OFD1: variants seen among roughly 807,000 people sequenced by gnomAD.
OFD1 encodes the protein OFD1 centriole and centriolar satellite protein.
A neutral mutation model predicts 81.4 loss-of-function variants in OFD1; 12 were observed. The observed-to-expected ratio is 0.15, with a 90% CI of 0.09 to 0.24. OFD1 has a LOEUF of 0.24. Among genes scored for constraint, OFD1 ranks in the 10% least tolerant of loss-of-function variants. The pLI is 1.00. For missense variants in OFD1, 685 were observed against 733.9 expected, an observed-to-expected ratio of 0.93 and a Z score of 0.77; for synonymous variants, 256 against 263.7, an observed-to-expected ratio of 0.97 and a Z score of 0.28.
chrX:13,734,817 CT>C lies in OFD1; in HGVS notation c.-252del. 9.3e-7 allele frequency: 1 copy of C among 1,078,693 alleles called. No individual in the cohort carries two copies. Among genetic ancestry groups the C allele is most frequent in the Non-Finnish European group, 1.2e-6 (1 of 837,206 alleles). 88.9% of individuals were successfully genotyped at this position (1,078,693 alleles called of 1,213,427 possible). ...GTCTGGGTCCCCGCCCTCCAGCCGC[CT>C]TTGAGTCGTGCCTGGGTCCTCGCCC... is the stretch of plus-strand genomic sequence containing the variant. On this transcript the variant is annotated 5_prime_UTR_variant, in exon 1 of 23. Coordinates refer to ENST00000340096, the MANE Select transcript of OFD1 (RefSeq NM_003611.3).
intron 19 of OFD1, 131 bp downstream of exon 19, chrX:13,763,986 GGTTATAGGT>G: frequency 1.9e-6 from 1 of 530,536 alleles, no homozygotes; most frequent in South Asian, 2.5e-5. Flanking sequence ...TTGGGTTGGG[GGTTATAGGT>G]GTCATTATAT....
intron 8 of OFD1, 122 bp from the exon 9 acceptor site, chrX:13,749,305 G>C (rs1197024829): frequency 1.2e-5 from 6 of 487,810 alleles, no homozygotes; most frequent in African/African-American, 9.7e-5. Flanking sequence ...ATCTCTTGAA[G>C]GTGAAATTGT....
chrX:13,722,795 G>C, the OFD1 span, among the ~76,000 whole-genome samples: 1 of 111,776 alleles, frequency 8.9e-6, no homozygotes, highest in African/African-American at 3.3e-5. Flanking sequence ...CAGGCGCGGT[G>C]GCTCACGCCT....
At position 13,752,923 on chromosome X, in the gene OFD1, C is replaced by G; in HGVS notation, c.1056-445C>G. 8 of 919,529 alleles carry G rather than the reference C, an allele frequency of 8.7e-6. No homozygotes were observed. In the South Asian group the frequency reaches 1.7e-4, roughly 19 times the overall value. 75.8% of individuals were successfully genotyped at this position (919,529 alleles called of 1,213,427 possible). On this transcript the variant is annotated intron_variant, in intron 10 of 22. Transcript: ENST00000340096. ...TGCTCTTGGCAGTTGGCTCTCAGGACTGTGCTTAGTCCCTGAGCACAAAAG... is the reference window on the plus strand; with the variant it reads ...TGCTCTTGGCAGTTGGCTCTCAGGAGTGTGCTTAGTCCCTGAGCACAAAAG...
chrX:13,749,282 A>G, intron 8 of OFD1, 145 bp from the exon 9 acceptor site: 1 of 468,179 alleles, frequency 2.1e-6, no homozygotes, highest in East Asian at 3.8e-5. Context: ...CAAAAAGTAT[A>G]CCTTGAGTCG....
chrX:13,729,794 G>T (rs2046634768), upstream of OFD1, among the ~76,000 whole-genome samples: 1 of 111,500 alleles, frequency 9.0e-6, no homozygotes, highest in Admixed American at 9.5e-5. Flanking sequence ...TGTAATCCCT[G>T]CTACTCGGGA....
chrX:13,714,599 A>G, the OFD1 span: 1 of 499,264 alleles, frequency 2.0e-6, no homozygotes, highest in Non-Finnish European at 3.2e-6. Flanking sequence ...TAAAAACCAA[A>G]GACATTCCAA....
upstream of OFD1, chrX:13,734,143 C>G (rs965769986): frequency 3.9e-6 from 2 of 509,491 alleles, no homozygotes; most frequent in Non-Finnish European, 7.0e-6. Context: ...CTGGCAATAT[C>G]TGGAGACATC....
chrX:13,716,824 A>G, the OFD1 span: 169 of 556,369 alleles, frequency 3.0e-4, 1 homozygote, highest in South Asian at 5.4e-3. Context: ...TGAGACTTAT[A>G]AAAGATCTGT....
At chrX:13,748,994 C>T (rs1047957538) in intron 8 of OFD1, among the ~76,000 whole-genome samples, 4 of 108,711 alleles carry the variant, frequency 3.7e-5, no homozygotes, top group Non-Finnish European at 5.7e-5. Flanking sequence ...TGGCGTGTGC[C>T]TGTAGTGCCT....
At chrX:13,741,705 G>A (rs2047112107) in intron 5 of OFD1, among the ~76,000 whole-genome samples, 1 of 112,050 alleles carries the variant, frequency 8.9e-6, no homozygotes, top group Non-Finnish European at 1.9e-5. Context: ...CAGCTTTATA[G>A]GGCTTGAGTA....
chrX:13,759,433 A>G (rs2047841807), intron 15 of OFD1, among the ~76,000 whole-genome samples: 1 of 112,356 alleles, frequency 8.9e-6, no homozygotes, highest in African/African-American at 3.2e-5. Context: ...TCTTTCTTGT[A>G]GCATCACGGG....
At chrX:13,754,501 C>T (rs2047627507) in intron 11 of OFD1, among the ~76,000 whole-genome samples, 1 of 107,747 alleles carries the variant, frequency 9.3e-6, no homozygotes, top group African/African-American at 3.4e-5. Flanking sequence ...ACTGCAACCT[C>T]TGCCTCCTGG....
intron 8 of OFD1, among the ~76,000 whole-genome samples, chrX:13,747,898 A>C (rs1422736580): frequency 9.0e-6 from 1 of 111,488 alleles, no homozygotes; most frequent in African/African-American, 3.3e-5. Flanking sequence ...GAGGGAGTCC[A>C]TGTTGGCAAG....
At chrX:13,756,923 A>G (rs1264811322) in intron 13 of OFD1, among the ~76,000 whole-genome samples, 156 bp downstream of exon 13, 2 of 112,206 alleles carry the variant, frequency 1.8e-5, no homozygotes, top group African/African-American at 3.2e-5. Flanking sequence ...AAACCTGCCT[A>G]TAGGTGGTAT....
intron 9 of OFD1, 68 bp from the exon 10 acceptor site, chrX:13,751,181 A>T: frequency 9.2e-7 from 1 of 1,083,478 alleles, no homozygotes; most frequent in Non-Finnish European, 1.3e-6. Context: ...GACACATGTG[A>T]TTTTTTCCTA....
the OFD1 span, among the ~76,000 whole-genome samples, chrX:13,724,049 G>A: frequency 3.5e-3 from 388 of 111,548 alleles, 3 homozygotes; most frequent in African/African-American, 0.012. Context: ...CTTTGAAAAT[G>A]AAGGAAGGGG....
Position 13,760,134 on chromosome X carries a change from C to T in OFD1, c.1674C>T (p.Tyr558=), listed in dbSNP as rs770436499. ...CTGCAGCCCTAGAGAATGAAGTGTA[C>T]TGCAATCCAAAGCAGTCTGTGATCG... ...QTQTALENEV[Y]CNPKQSVIDR... is the part of the protein sequence containing the mutation. Residue 558 remains tyrosine (Y), a synonymous_variant, in exon 16 of 23, where the codon TAC becomes TAT. Coordinates refer to ENST00000340096, the MANE Select transcript of OFD1 (RefSeq NM_003611.3). 2.5e-6 allele frequency: 3 copies of T among 1,212,031 alleles called. No individual in the cohort carries two copies. The highest frequency in any genetic ancestry group is 1.8e-5 in the South Asian group (1 of 57,037).
At chrX:13,717,901 G>A in the OFD1 span, among the ~76,000 whole-genome samples, 1 of 112,043 alleles carries the variant, frequency 8.9e-6, no homozygotes, top group Non-Finnish European at 1.9e-5. Context: ...GGTCACACTG[G>A]AGTAGGGTGG....
Sources: allele counts gnomAD v4.1 joint callset (sites outside exome capture counted in the v4.1 genomes callset), GRCh38; gene constraint gnomAD v4.1.1; transcripts MANE v1.5; gene names NCBI Gene and HGNC (gene_info 2026-07-23, HGNC 2026-07-21).